Variants in OCM observed in about 807,000 individuals in gnomAD.
OCM encodes the protein oncomodulin.
A neutral mutation model predicts 14.1 loss-of-function variants in OCM; 18 were observed. The observed-to-expected ratio is 1.28, with a 90% confidence interval of 0.88 to 1.89. OCM has a LOEUF of 1.89. Ranked by LOEUF, OCM falls within the 40% of genes most tolerant of loss-of-function variation. The pLI, the probability that OCM is intolerant of heterozygous loss-of-function variation, is 0.00. For missense variants in OCM, 140 were observed against 137.6 expected (o/e 1.02, Z -0.09); for synonymous variants, 48 against 51.0 (o/e 0.94, Z 0.25).
At chr7:5,882,084 T>C (rs1195600017) in intron 1 of OCM, among the ~76,000 whole-genome samples, 23 of 24,956 alleles carry the variant, frequency 9.2e-4, no homozygotes, top group African/African-American at 3.6e-3. Flanking sequence ...AGACTCTGTC[T>C]CAAAAAAAAA....
In OCM at chr7:5,884,018, G is replaced by A. The variant is rs1227331715; in HGVS notation, c.304+19G>A. On this transcript the variant is annotated intron_variant, in intron 3 of 3. Coordinates refer to ENST00000242104, the MANE Select transcript of OCM (RefSeq NM_001097622.2). ...GCAGAGGGTATGTCCACACGTGTAC[G>A]TAGCATAAAACACTCTAGCTCAGGA... The A allele has an allele frequency of 5.0e-6, 8 of 1,610,196 alleles. No individual in the cohort carries two copies. Among genetic ancestry groups the A allele is most frequent in the Middle Eastern group, 1.7e-4 (1 of 6,044 alleles).
upstream of OCM, among the ~76,000 whole-genome samples, chr7:5,878,268 T>A (rs1339823197): frequency 6.6e-6 from 1 of 150,940 alleles, no homozygotes; most frequent in East Asian, 2.0e-4. Context: ...CGGCCAGTAG[T>A]CAAACTAGTA....
the OCM span, among the ~76,000 whole-genome samples, chr7:5,869,999 C>T: frequency 2.0e-5 from 3 of 152,196 alleles, no homozygotes; most frequent in Non-Finnish European, 4.4e-5. Flanking sequence ...AGAGTATTCT[C>T]ATAGCAACAA....
chr7:5,871,185 C>T, the OCM span, among the ~76,000 whole-genome samples: 3 of 149,944 alleles, frequency 2.0e-5, no homozygotes, highest in Admixed American at 6.6e-5. Flanking sequence ...CCCCCCCCGT[C>T]TCTACAAAAA....
At chr7:5,876,994 G>A (rs920470913), upstream of OCM, among the ~76,000 whole-genome samples, 2 of 151,974 alleles carry the variant, frequency 1.3e-5, no homozygotes, top group African/African-American at 4.8e-5. Context: ...TAGTAGAGAC[G>A]GGGGTTTCTC....
chr7:5,884,107 A>C (rs3890913), intron 3 of OCM, 108 bp downstream of exon 3: 766,796 of 1,093,950 alleles, frequency 0.7, 274,665 homozygotes, highest in East Asian at 0.89. Flanking sequence ...CCTTTCTTAA[A>C]CTTACCGAGC....
At chr7:5,869,040 G>A in the OCM span, among the ~76,000 whole-genome samples, 1 of 152,092 alleles carries the variant, frequency 6.6e-6, no homozygotes, top group Non-Finnish European at 1.5e-5. Context: ...TCCAGCCTGG[G>A]CAACAGAGTG....
chr7:5,871,331 G>A, the OCM span, among the ~76,000 whole-genome samples: 1 of 151,246 alleles, frequency 6.6e-6, no homozygotes, highest in East Asian at 1.9e-4. Context: ...CTCAAGCCTG[G>A]GTGACAGAGT....
At chr7:5,863,928 C>T in the OCM span, among the ~76,000 whole-genome samples, 1 of 151,984 alleles carries the variant, frequency 6.6e-6, no homozygotes, top group Non-Finnish European at 1.5e-5. Context: ...GGGACACTCT[C>T]CTCTGGTCGT....
chr7:5,882,575 C>T lies in OCM; in HGVS notation c.144C>T (p.Phe48=), dbSNP rs751595966. The change falls in exon 2 of 4, where the codon TTC becomes TTT. Residue 48 remains phenylalanine (F), a synonymous_variant. Coordinates refer to ENST00000242104, the MANE Select transcript of OCM (RefSeq NM_001097622.2). ...KMSANQVKDV[F]RFIDNDQSGY... ...CAGCCAATCAGGTGAAGGATGTTTT[C>T]CGGTTCATAGACAACGACCAGAGCG... 6.2e-7 allele frequency: 1 copy of T among 1,614,116 alleles called. No homozygotes were observed. Among genetic ancestry groups the T allele is most frequent in the East Asian group, 2.2e-5 (1 of 44,888 alleles).
At chr7:5,871,556 C>G in the OCM span, among the ~76,000 whole-genome samples, 1 of 151,978 alleles carries the variant, frequency 6.6e-6, no homozygotes, top group Non-Finnish European at 1.5e-5. Context: ...TTAAATGACA[C>G]GACATCATAT....
chr7:5,862,658 A>T, the OCM span, among the ~76,000 whole-genome samples: 1 of 151,098 alleles, frequency 6.6e-6, no homozygotes, highest in Non-Finnish European at 1.5e-5. Context: ...AATGCAGCAT[A>T]AACTCTTTAC....
chr7:5,863,788 T>TC, the OCM span, among the ~76,000 whole-genome samples: 1 of 152,026 alleles, frequency 6.6e-6, no homozygotes, highest in Non-Finnish European at 1.5e-5. Flanking sequence ...TGACTCGGCG[T>TC]CGCAAAGTGC....
At chr7:5,870,920 C>G in the OCM span, among the ~76,000 whole-genome samples, 5 of 151,074 alleles carry the variant, frequency 3.3e-5, no homozygotes, top group Admixed American at 1.3e-4. Context: ...GAGTTTCGCT[C>G]TTGTTGCCCA....
upstream of OCM, among the ~76,000 whole-genome samples, chr7:5,880,604 CAAA>C (rs1289571643): frequency 2.0e-5 from 3 of 151,970 alleles, no homozygotes; most frequent in African/African-American, 7.2e-5. Context: ...ACTAAAAACA[CAAA>C]AATTAGCCAG....
At chr7:5,871,016 A>G in the OCM span, among the ~76,000 whole-genome samples, 2 of 152,044 alleles carry the variant, frequency 1.3e-5, no homozygotes, top group African/African-American at 4.8e-5. Context: ...CCTCCTCGCC[A>G]GTAGCTGGGA....
At chr7:5,882,840 CTTTT>C (rs10581848) in intron 2 of OCM, among the ~76,000 whole-genome samples, 34 of 119,452 alleles carry the variant, frequency 2.8e-4, no homozygotes, top group Admixed American at 3.4e-4. Flanking sequence ...TGCAAAGATT[CTTTT>C]TTTTTTTTTT....
the OCM span, among the ~76,000 whole-genome samples, chr7:5,860,835 C>G: frequency 4.8e-5 from 7 of 147,148 alleles, no homozygotes; most frequent in Admixed American, 2.7e-4. Flanking sequence ...TACACACACA[C>G]ATATATACAC....
chr7:5,867,435 A>G, the OCM span, among the ~76,000 whole-genome samples: 1 of 152,128 alleles, frequency 6.6e-6, no homozygotes, highest in East Asian at 1.9e-4. Flanking sequence ...AAACAATTTT[A>G]TAATAATGCG....
Sources: allele counts gnomAD v4.1 joint callset (sites outside exome capture counted in the v4.1 genomes callset), GRCh38; gene constraint gnomAD v4.1.1; transcripts MANE v1.5; gene names NCBI Gene and HGNC (gene_info 2026-07-23, HGNC 2026-07-21).